Variants in SNX2 observed in about 807,000 individuals in gnomAD.
The protein encoded by SNX2 is sorting nexin 2, also known as sorting nexin-2.
In SNX2, 25 loss-of-function variants were observed where a neutral mutation model predicts 69.9. The ratio of observed to expected loss-of-function variants is 0.36; its 90% CI spans 0.26 to 0.50. The LOEUF (loss-of-function observed/expected upper bound fraction) is 0.50, where lower values mean the gene tolerates loss of function less well. SNX2 is among the 20% of genes least tolerant of loss of function. The probability of loss-of-function intolerance (pLI) is 0.97; values close to 1 mark genes in which losing one functional copy is unlikely to be tolerated. For missense variants in SNX2, 551 were observed against 613.3 expected, an observed-to-expected ratio of 0.90 and a Z score of 1.07; for synonymous variants, 229 against 200.4, an observed-to-expected ratio of 1.14 and a Z score of -1.20.
intron 6 of SNX2, among the ~76,000 whole-genome samples, chr5:122,805,667 A>G (rs1486662242): frequency 6.6e-6 from 1 of 152,020 alleles, no homozygotes; most frequent in Non-Finnish European, 1.5e-5. Flanking sequence ...TTCTATAGGG[A>G]CGGTTCAATC....
Position 122,775,166 on chromosome 5 carries a change from G to C in SNX2, c.63G>C (p.Leu21=), listed in dbSNP as rs1323832348. The C allele has an allele frequency of 2.5e-6, 4 of 1,595,964 alleles. No individual in the cohort carries two copies. Among genetic ancestry groups the C allele is most frequent in the Non-Finnish European group, 3.4e-6 (4 of 1,172,904 alleles). Residue 21 remains leucine, a synonymous_variant, in exon 1 of 15, where the codon CTG becomes CTC. Coordinates refer to ENST00000379516, the MANE Select transcript of SNX2 (RefSeq NM_003100.4). The part of the protein sequence containing the change: ...GDGKPTDFED[L]EDGEDLFTST... ...GGAAGCCCACCGACTTTGAGGATCT[G>C]GAGGACGGAGAGGACCTGTTCACCA...
At chr5:122,783,594 C>CAT (rs1207964377) in intron 1 of SNX2, among the ~76,000 whole-genome samples, 1 of 151,974 alleles carries the variant, frequency 6.6e-6, no homozygotes, top group Non-Finnish European at 1.5e-5. Flanking sequence ...ATGAACTGAC[C>CAT]ATATATATGT....
chr5:122,817,508 T>G, intron 10 of SNX2, 135 bp downstream of exon 10: 1 of 584,472 alleles, frequency 1.7e-6, no homozygotes, highest in South Asian at 3.6e-5. Flanking sequence ...TGTTTTCTAG[T>G]TCAACTTTAT....
At chr5:122,808,813 T>A (rs1276289934) in intron 7 of SNX2, 1 of 155,888 alleles carries the variant, frequency 6.4e-6, no homozygotes, top group Non-Finnish European at 1.4e-5. Flanking sequence ...TATACCACAC[T>A]CATGTACTGT....
chr5:122,803,906 G>C (rs1753570996), intron 6 of SNX2: 1 of 202,514 alleles, frequency 4.9e-6, no homozygotes, highest in African/African-American at 2.3e-5. Context: ...AGGGAGGCCA[G>C]GGTAGGAAGA....
chr5:122,808,169 G>A (rs2150011085), intron 6 of SNX2, 108 bp from the exon 7 acceptor site: 2 of 652,562 alleles, frequency 3.1e-6, no homozygotes, highest in South Asian at 2.5e-5. Flanking sequence ...ACAAGTTTAG[G>A]GCTGTTAAGT....
intron 14 of SNX2, 88 bp from the exon 15 acceptor site, chr5:122,829,510 A>T: frequency 9.5e-7 from 1 of 1,056,518 alleles, no homozygotes; most frequent in Non-Finnish European, 1.4e-6. Flanking sequence ...CGGCTTATGT[A>T]GATTTTTTTT....
chr5:122,775,123 C>T lies in SNX2; in HGVS notation c.20C>T (p.Pro7Leu), dbSNP rs957416964. 3.1e-6 allele frequency: 5 copies of T among 1,592,366 alleles called. No individual in the cohort carries two copies. The highest frequency in any genetic ancestry group is 2.7e-5 in the African/African-American group (2 of 74,776). The change falls in exon 1 of 15, where the codon CCT becomes CTT. Residue 7 changes from proline to leucine, a missense_variant. Physicochemically the swap from Pro to Leu is moderately conservative, Grantham distance 98. Coordinates refer to ENST00000379516, the MANE Select transcript of SNX2 (RefSeq NM_003100.4). MAAEREPPPLGDGKPTD... is the reference protein window; with the variant it reads MAAERELPPLGDGKPTD... Reference sequence around the variant, plus strand: ...GCGAAGATGGCGGCCGAGAGGGAACCTCCTCCGCTGGGGGACGGGAAGCCC... The same window carrying T: ...GCGAAGATGGCGGCCGAGAGGGAACTTCCTCCGCTGGGGGACGGGAAGCCC...
rs34776409 is a variant in SNX2 at position 122,792,597 on chromosome 5, C to CAAA, written c.109-2655_109-2653dup. On this transcript the variant is annotated intron_variant, in intron 1 of 14. Coordinates refer to ENST00000379516, the MANE Select transcript of SNX2 (RefSeq NM_003100.4). ...GGGCAACAAGAGTGAAACTTCATCT[C>CAAA]AAAAAAAAAAAAAAAATTGCTTAGT... is the stretch of plus-strand genomic sequence containing the variant. 4.1e-3 allele frequency among the ~76,000 whole-genome samples: 443 copies of CAAA among 108,156 alleles called. 5 individuals are homozygous for CAAA. Among genetic ancestry groups the CAAA allele is most frequent in the African/African-American group, 0.012 (374 of 30,216 alleles). 71.0% of individuals were successfully genotyped at this position (108,156 alleles called of 152,430 possible).
intron 11 of SNX2, among the ~76,000 whole-genome samples, chr5:122,823,871 G>A (rs1020114153): frequency 2.0e-5 from 3 of 151,650 alleles, no homozygotes; most frequent in African/African-American, 7.3e-5. Flanking sequence ...GCCGGGGACA[G>A]CTTTGAATGC....
chr5:122,821,456 C>T (rs10052679), intron 11 of SNX2, among the ~76,000 whole-genome samples: 120,494 of 149,124 alleles, frequency 0.81, 49,241 homozygotes, highest in East Asian at 0.99. Context: ...AGTAGATGTC[C>T]TTTTTTTTTT....
rs73797081 is a variant in SNX2 at position 122,799,883 on chromosome 5, A to G, written c.390+28A>G. The G allele has an allele frequency of 1.9e-3, 2,987 of 1,549,396 alleles. 47 individuals are homozygous for G. The African/African-American group carries it at 0.036, about 18-fold the overall frequency. ...ACAGGAAAATGTATTCTAAATTAAT[A>G]TGTAAATATATACCTTTTTTCCCCA... On this transcript the variant is annotated intron_variant, in intron 3 of 14. Coordinates refer to ENST00000379516, the MANE Select transcript of SNX2 (RefSeq NM_003100.4).
chr5:122,813,437 C>G (rs1452040702), intron 7 of SNX2, among the ~76,000 whole-genome samples: 1 of 151,896 alleles, frequency 6.6e-6, no homozygotes, highest in East Asian at 1.9e-4. Context: ...TCTGGAATAT[C>G]ATTTTTCAAA....
At chr5:122,789,302 T>C (rs1010703928) in intron 1 of SNX2, among the ~76,000 whole-genome samples, 1 of 152,180 alleles carries the variant, frequency 6.6e-6, no homozygotes, top group African/African-American at 2.4e-5. Context: ...GCTACACATG[T>C]GCTGCTCAGG....
intron 2 of SNX2, among the ~76,000 whole-genome samples, chr5:122,797,063 G>A (rs1375911481): frequency 5.3e-5 from 8 of 152,190 alleles, no homozygotes; most frequent in African/African-American, 1.7e-4. Flanking sequence ...AAGTAGCTAA[G>A]ACTTCAGACA....
At chr5:122,777,037 G>C (rs543392169) in intron 1 of SNX2, among the ~76,000 whole-genome samples, 1 of 152,022 alleles carries the variant, frequency 6.6e-6, no homozygotes, top group Non-Finnish European at 1.5e-5. Context: ...TGTAAAGTCA[G>C]ATTTTTTTTT....
At chr5:122,809,300 A>C (rs564426599) in intron 7 of SNX2, among the ~76,000 whole-genome samples, 4 of 152,290 alleles carry the variant, frequency 2.6e-5, no homozygotes. Flanking sequence ...GATGTCCTGG[A>C]ACCAGTCCCC....
chr5:122,812,707 G>GAA (rs1451124628), intron 7 of SNX2, among the ~76,000 whole-genome samples: 1 of 152,122 alleles, frequency 6.6e-6, no homozygotes, highest in African/African-American at 2.4e-5. Context: ...CTTCACCAGG[G>GAA]AAAGAATCTT....
chr5:122,817,627 AG>A, intron 10 of SNX2, among the ~76,000 whole-genome samples: 1 of 152,224 alleles, frequency 6.6e-6, no homozygotes, highest in East Asian at 1.9e-4. Flanking sequence ...GCTAAAAAAA[AG>A]AACAAAGAAA....
Sources: allele counts gnomAD v4.1 joint callset (sites outside exome capture counted in the v4.1 genomes callset), GRCh38; gene constraint gnomAD v4.1.1; transcripts MANE v1.5; gene names NCBI Gene and HGNC (gene_info 2026-07-23, HGNC 2026-07-21).